Variants in BCAS1 observed in about 807,000 individuals in gnomAD.
BCAS1 encodes brain enriched myelin associated protein 1.
Under a neutral mutation model 65.4 loss-of-function variants are expected in BCAS1, and 46 were observed. The ratio of observed to expected loss-of-function variants is 0.70; its 90% CI spans 0.55 to 0.90. The LOEUF (loss-of-function observed/expected upper bound fraction) is 0.90. Ranked by LOEUF, BCAS1 falls within the 40% of genes least tolerant of loss-of-function variation. The probability of loss-of-function intolerance (pLI) is 0.00; values close to 1 mark genes in which losing one functional copy is unlikely to be tolerated. For synonymous variants in BCAS1, 298 were observed against 293.5 expected (o/e 1.02, Z -0.16); for missense variants, 793 against 771.2 (o/e 1.03, Z -0.33).
At position 53,975,204 on chromosome 20, in the gene BCAS1, T is replaced by C. The variant is rs149989478; in HGVS notation, c.1317+185A>G. Among the ~76,000 whole-genome samples the C allele has an allele frequency of 5.2e-4, 79 of 152,282 alleles. No individual in the cohort carries two copies. In the East Asian group the frequency reaches 0.011, roughly 20 times the overall value. On this transcript the variant is annotated intron_variant, in intron 9 of 12. Transcript: ENST00000688948. ...TATTTTGCACTGATTCAATGAGAGTTACAAAAATTCATCCAATGTTATCCT... is the reference window on the plus strand; with the variant it reads ...TATTTTGCACTGATTCAATGAGAGTCACAAAAATTCATCCAATGTTATCCT...
At chr20:53,950,058 G>A (rs1420462957) in intron 12 of BCAS1, among the ~76,000 whole-genome samples, 2 of 152,284 alleles carry the variant, frequency 1.3e-5, no homozygotes, top group East Asian at 1.9e-4. Flanking sequence ...ATCTTCGAAT[G>A]TTATCAACAG....
chr20:53,965,014 G>A (rs2089989989), intron 10 of BCAS1, among the ~76,000 whole-genome samples: 1 of 151,828 alleles, frequency 6.6e-6, no homozygotes. Flanking sequence ...ATGAGTTGCC[G>A]GAAACAGGCC....
At position 54,011,566 on chromosome 20, in the gene BCAS1, T is replaced by C. The variant is rs1600862450; in HGVS notation, c.724-15516A>G. 2.0e-5 allele frequency among the ~76,000 whole-genome samples: 3 copies of C among 152,228 alleles called. 1 individual carries two copies. The East Asian group carries it at 5.8e-4, about 29-fold the overall frequency. On this transcript the variant is annotated intron_variant, in intron 4 of 12. Coordinates refer to ENST00000688948, the MANE Select transcript of BCAS1 (RefSeq NM_001366298.2). ...ATCACTATGCACCCATCAAAGTGGT[T>C]AAAGCAAAAAATAGTGACTATTAAA...
chr20:54,038,569 T>C (rs1373272772), intron 3 of BCAS1, among the ~76,000 whole-genome samples: 1 of 151,214 alleles, frequency 6.6e-6, no homozygotes, highest in African/African-American at 2.4e-5. Context: ...AATGAACAGG[T>C]TGGGAAACTG....
intron 3 of BCAS1, among the ~76,000 whole-genome samples, chr20:54,031,171 T>C (rs1600932062): frequency 6.6e-6 from 1 of 151,524 alleles, no homozygotes; most frequent in Admixed American, 6.6e-5. Flanking sequence ...AGTAAGAGTG[T>C]TATAGCCAGA....
chr20:53,946,520 T>TATAC (rs879781278), intron 12 of BCAS1, among the ~76,000 whole-genome samples: 456 of 125,932 alleles, frequency 3.6e-3, no homozygotes, highest in Admixed American at 5.7e-3. Context: ...TATATATATA[T>TATAC]ACACACACAC....
At chr20:54,008,232 C>A (rs547637784) in intron 4 of BCAS1, among the ~76,000 whole-genome samples, 1 of 152,346 alleles carries the variant, frequency 6.6e-6, no homozygotes, top group African/African-American at 2.4e-5. Flanking sequence ...AATACCCCTG[C>A]AAGATGGCAT....
intron 8 of BCAS1, among the ~76,000 whole-genome samples, chr20:53,975,760 G>T (rs953806224): frequency 6.6e-6 from 1 of 152,198 alleles, no homozygotes; most frequent in East Asian, 1.9e-4. Context: ...TTTTTTAGTA[G>T]TTGATGAAAA....
At chr20:54,013,819 T>C (rs2091374236) in intron 4 of BCAS1, among the ~76,000 whole-genome samples, 1 of 152,172 alleles carries the variant, frequency 6.6e-6, no homozygotes, top group Non-Finnish European at 1.5e-5. Context: ...AAGCGTGGAA[T>C]AGAACAGAGT....
chr20:53,968,104 C>T (rs548952257), intron 9 of BCAS1, among the ~76,000 whole-genome samples: 1 of 152,354 alleles, frequency 6.6e-6, no homozygotes, highest in Non-Finnish European at 1.5e-5. Flanking sequence ...AGTGATCCTC[C>T]TACCTTGGCC....
At chr20:54,064,155 C>T (rs6022939) in intron 1 of BCAS1, among the ~76,000 whole-genome samples, 2,408 of 152,306 alleles carry the variant, frequency 0.016, 46 homozygotes, top group African/African-American at 0.054. Context: ...TGAGAACCTC[C>T]CACAGAGTTC....
At chr20:53,974,997 C>T (rs570773069) in intron 9 of BCAS1, among the ~76,000 whole-genome samples, 25 of 152,202 alleles carry the variant, frequency 1.6e-4, no homozygotes, top group African/African-American at 6.0e-4. Flanking sequence ...TGGGTACCGC[C>T]CAAAGTTAGT....
intron 3 of BCAS1, among the ~76,000 whole-genome samples, chr20:54,042,778 G>T (rs1460098119): frequency 6.6e-6 from 1 of 152,218 alleles, no homozygotes; most frequent in East Asian, 1.9e-4. Context: ...AAGAAAAAAT[G>T]AAAGTAGGGA....
chr20:53,956,305 G>A (rs1291862061), intron 11 of BCAS1, among the ~76,000 whole-genome samples: 1 of 152,174 alleles, frequency 6.6e-6, no homozygotes, highest in Non-Finnish European at 1.5e-5. Context: ...GCCGTGTAAG[G>A]ACACACAAGC....
At chr20:54,066,788 C>T (rs2092449363) in intron 1 of BCAS1, among the ~76,000 whole-genome samples, 1 of 152,156 alleles carries the variant, frequency 6.6e-6, no homozygotes, top group Admixed American at 6.5e-5. Context: ...TTGTTTAAGC[C>T]ACCTAGTCTG....
intron 9 of BCAS1, among the ~76,000 whole-genome samples, chr20:53,971,657 G>A (rs889077150): frequency 3.9e-5 from 6 of 152,188 alleles, no homozygotes; most frequent in African/African-American, 1.4e-4. Context: ...GGAGAGCCCT[G>A]AATTAAATTT....
At chr20:54,070,186 A>C (rs1404988785) in intron 1 of BCAS1, among the ~76,000 whole-genome samples, 1 of 152,190 alleles carries the variant, frequency 6.6e-6, no homozygotes, top group African/African-American at 2.4e-5. Flanking sequence ...TTATGTGGCT[A>C]TGCGCCTAAC....
At position 53,946,000 on chromosome 20, in the gene BCAS1, C is replaced by G. The variant is rs1193962306; in HGVS notation, c.1816-1004G>C. Among the ~76,000 whole-genome samples, 6 of 151,982 alleles carry G rather than the reference C, an allele frequency of 3.9e-5. No homozygotes were observed. In the East Asian group the frequency reaches 1.2e-3, roughly 29 times the overall value. ...TGTTGTCCAGGATGGTCTTGAACTG[C>G]TGGGCTCATGTGATCCTTCTACCTT... On this transcript the variant is annotated intron_variant, in intron 12 of 12. Coordinates refer to ENST00000688948, the MANE Select transcript of BCAS1 (RefSeq NM_001366298.2).
chr20:53,974,394 G>T (rs1261669092), intron 9 of BCAS1, among the ~76,000 whole-genome samples: 2 of 152,158 alleles, frequency 1.3e-5, no homozygotes, highest in Non-Finnish European at 2.9e-5. Flanking sequence ...GAACCCACCG[G>T]AAGGAACCAA....
Sources: gnomAD v4.1 joint callset for allele counts (sites outside exome capture counted in the v4.1 genomes callset) on GRCh38, gnomAD v4.1.1 for gene constraint, MANE v1.5 for transcripts, NCBI Gene and HGNC (gene_info 2026-07-23, HGNC 2026-07-21) for gene names.